The following NEDD9 variants were observed in gnomAD, a reference collection of about 807,000 sequenced individuals.
NEDD9 encodes the protein enhancer of filamentation 1.
NEDD9 carries 26 observed loss-of-function variants against 76.6 expected under a neutral mutation model. The observed-to-expected ratio is 0.34, with a 90% CI of 0.25 to 0.47. NEDD9 has a LOEUF of 0.47. NEDD9 is among the 20% of genes least tolerant of loss of function. NEDD9 has a pLI of 1.00. For missense variants in NEDD9, 937 were observed against 1,058.5 expected (o/e 0.89, Z 1.59); for synonymous variants, 392 against 414.2 (o/e 0.95, Z 0.65).
chr6:11,278,454 C>T (rs1481028638), intron 3 of NEDD9, among the ~76,000 whole-genome samples: 1 of 152,178 alleles, frequency 6.6e-6, no homozygotes, highest in Non-Finnish European at 1.5e-5. Flanking sequence ...TAATTGAGCT[C>T]TAGACCCCAA....
Position 11,190,524 on chromosome 6 carries a change from G to A in NEDD9, c.1345C>T (p.Arg449Cys), listed in dbSNP as rs368480197. 3.8e-5 allele frequency: 62 copies of A among 1,614,196 alleles called. No individual in the cohort carries two copies. Among genetic ancestry groups the A allele is most frequent in the East Asian group, 2.0e-4 (9 of 44,868 alleles). The stretch of plus-strand genomic sequence containing the variant: ...AGCTCCACCTTGTCCACTGCTGTGC[G>A]TATTTCATTGATGTGTCTTTCCATA... ...GYMERHINEI[R>C]TAVDKVELFL... Residue 449 changes from arginine to cysteine, a missense_variant, in exon 5 of 7, where the codon CGC becomes TGC. By Grantham distance (180) the Arg-to-Cys change is radical (BLOSUM62 -3). Transcript: ENST00000379446. The surrounding 1 kb of genome is among the most constrained non-coding windows in gnomAD (Gnocchi z 5.8).
intron 1 of NEDD9, among the ~76,000 whole-genome samples, chr6:11,359,040 G>A (rs1019821953): frequency 6.6e-6 from 1 of 152,190 alleles, no homozygotes; most frequent in Non-Finnish European, 1.5e-5. Context: ...AAAGCTTAGA[G>A]AGACTTGAGA....
chr6:11,227,454 A>G (rs1759338753), intron 1 of NEDD9, among the ~76,000 whole-genome samples: 2 of 151,870 alleles, frequency 1.3e-5, no homozygotes, highest in Non-Finnish European at 2.9e-5. Flanking sequence ...CAATGCTGTA[A>G]AATGAGGCTT....
At chr6:11,197,350 T>C (rs985905172) in intron 2 of NEDD9, among the ~76,000 whole-genome samples, 2 of 151,994 alleles carry the variant, frequency 1.3e-5, no homozygotes, top group Non-Finnish European at 2.9e-5. Context: ...AATTCATTAG[T>C]GTTGCCAGGA....
intron 1 of NEDD9, among the ~76,000 whole-genome samples, chr6:11,347,823 C>T (rs1168291530): frequency 6.6e-6 from 1 of 152,188 alleles, no homozygotes; most frequent in Non-Finnish European, 1.5e-5. Context: ...GTGACAAACT[C>T]ACAGCCAGCA....
chr6:11,318,761 C>T (rs16871249), intron 2 of NEDD9, among the ~76,000 whole-genome samples: 11,778 of 152,150 alleles, frequency 0.077, 603 homozygotes, highest in Admixed American at 0.16. Context: ...GTCCTGTAGG[C>T]CAGCCCTGAA....
intron 3 of NEDD9, among the ~76,000 whole-genome samples, chr6:11,292,849 T>C (rs1374577073): frequency 6.6e-6 from 1 of 152,154 alleles, no homozygotes; most frequent in East Asian, 1.9e-4. Flanking sequence ...TGGGTTCTAA[T>C]ACAAAGAATA....
At chr6:11,380,042 T>A (rs1305199381) in intron 1 of NEDD9, among the ~76,000 whole-genome samples, 1 of 152,218 alleles carries the variant, frequency 6.6e-6, no homozygotes, top group African/African-American at 2.4e-5. Flanking sequence ...AAGCCTAAGG[T>A]GCTCTCCATG....
At chr6:11,194,705 A>C (rs1004062243) in intron 2 of NEDD9, among the ~76,000 whole-genome samples, 1 of 152,208 alleles carries the variant, frequency 6.6e-6, no homozygotes, top group Non-Finnish European at 1.5e-5. Context: ...AACAGTACCT[A>C]CGTCAAGGGA....
Position 11,190,828 on chromosome 6 carries a change from G to A in NEDD9, c.1041C>T (p.Val347=), listed in dbSNP as rs1328183951. 2.2e-5 allele frequency: 36 copies of A among 1,614,162 alleles called. No individual in the cohort carries two copies. The highest frequency in any genetic ancestry group is 2.7e-5 in the Non-Finnish European group (32 of 1,180,028). The change falls in exon 5 of 7, where the codon GTC becomes GTT. Residue 347 remains valine (V), a synonymous_variant. Transcript: ENST00000379446. This position sits in a 1 kb window ranked among gnomAD's most constrained non-coding sequence, Gnocchi z 5.8. ...NPQERDGVYD[V]PLHNPPDAKG... The stretch of plus-strand genomic sequence containing the variant: ...TAGCATCTGGCGGGTTATGCAGAGG[G>A]ACATCATAAACACCATCCCTTTCCT...
intron 1 of NEDD9, among the ~76,000 whole-genome samples, chr6:11,232,203 C>T (rs1433069504): frequency 6.6e-6 from 1 of 152,198 alleles, no homozygotes; most frequent in Non-Finnish European, 1.5e-5. Flanking sequence ...TCAAGTCAGA[C>T]ACCCTCTGAT....
rs907610453 is a variant in NEDD9, at chr6:11,357,330, G to A, written c.-213-22769C>T. ...ATCCTTTGGCTTGTTTTTCTTCTCCGTTGGTGCTGCCACAGCGGCAGGCAG... is the reference window on the plus strand; with the variant it reads ...ATCCTTTGGCTTGTTTTTCTTCTCCATTGGTGCTGCCACAGCGGCAGGCAG... On this transcript the variant is annotated intron_variant, in intron 1 of 3. Transcript: ENST00000397378. 6.6e-5 allele frequency among the ~76,000 whole-genome samples: 10 copies of A among 152,136 alleles called. No individual in the cohort carries two copies. In the East Asian group the frequency reaches 1.2e-3, roughly 18 times the overall value.
At chr6:11,317,881 G>A (rs1344979482) in intron 2 of NEDD9, among the ~76,000 whole-genome samples, 3 of 152,156 alleles carry the variant, frequency 2.0e-5, no homozygotes, top group Non-Finnish European at 4.4e-5. Context: ...TGAGATTAAC[G>A]TGTAAATCAG....
intron 1 of NEDD9, among the ~76,000 whole-genome samples, chr6:11,337,307 A>G (rs1170253130): frequency 1.3e-5 from 2 of 152,236 alleles, no homozygotes; most frequent in Non-Finnish European, 2.9e-5. Context: ...ATTTTTAAAA[A>G]TAAGGAGAAA....
chr6:11,324,080 G>C (rs1459418987), intron 2 of NEDD9, among the ~76,000 whole-genome samples: 2 of 152,172 alleles, frequency 1.3e-5, no homozygotes, highest in African/African-American at 4.8e-5. Context: ...AAGGATGCCG[G>C]GGAGGGCACT....
chr6:11,346,252 C>A (rs958347510), intron 1 of NEDD9, among the ~76,000 whole-genome samples: 2 of 152,098 alleles, frequency 1.3e-5, no homozygotes, highest in African/African-American at 2.4e-5. Flanking sequence ...AATATTTGTA[C>A]CTTTTATGTT....
intron 5 of NEDD9, 79 bp from the exon 6 acceptor site, chr6:11,188,386 T>A: frequency 1.7e-6 from 2 of 1,187,726 alleles, no homozygotes; most frequent in East Asian, 2.3e-5. Context: ...GACGGATGAG[T>A]AAATACTCTT....
chr6:11,200,519 A>T, intron 2 of NEDD9: 1 of 1,084,766 alleles, frequency 9.2e-7, no homozygotes, highest in Non-Finnish European at 1.1e-6. Context: ...CTTGCTTTCT[A>T]ATGTGATAAG....
intron 1 of NEDD9, among the ~76,000 whole-genome samples, chr6:11,353,770 A>G (rs1290343554): frequency 1.3e-5 from 2 of 152,226 alleles, no homozygotes; most frequent in African/African-American, 4.8e-5. Flanking sequence ...GTATTACATG[A>G]TTATATAGAA....
Sources: allele counts gnomAD v4.1 joint callset (sites outside exome capture counted in the v4.1 genomes callset), GRCh38; gene constraint gnomAD v4.1.1; non-coding constraint Gnocchi (gnomAD v3.1); transcripts MANE v1.5; gene names NCBI Gene and HGNC (gene_info 2026-07-23, HGNC 2026-07-21).